The following MBTPS1 variants were observed in gnomAD, a reference collection of about 807,000 sequenced individuals.
MBTPS1 encodes the protein membrane bound transcription factor peptidase, site 1.
Under a neutral mutation model 127.8 loss-of-function variants are expected in MBTPS1, and 94 were observed. That is an observed-to-expected ratio of 0.74 (90% CI 0.62 to 0.87). MBTPS1 has a LOEUF of 0.87. Ranked by LOEUF, MBTPS1 falls within the 40% of genes least tolerant of loss-of-function variation. MBTPS1 has a pLI of 0.00. For synonymous variants in MBTPS1, 632 were observed against 509.4 expected (o/e 1.24, Z -3.24); for missense variants, 1,636 against 1,353.2 (o/e 1.21, Z -3.28).
At chr16:84,094,913 C>T (rs958534376) in intron 4 of MBTPS1, among the ~76,000 whole-genome samples, 3 of 152,162 alleles carry the variant, frequency 2.0e-5, no homozygotes, top group African/African-American at 7.2e-5. Flanking sequence ...ATACGAAAGA[C>T]ACCGAGGCAA....
At chr16:84,065,121 G>GTT (rs35734457) in intron 18 of MBTPS1, among the ~76,000 whole-genome samples, 4,897 of 139,994 alleles carry the variant, frequency 0.035, 134 homozygotes, top group Non-Finnish European at 0.052. Context: ...CTTGAAGGTA[G>GTT]TTTTTTTTTT....
intron 2 of MBTPS1, among the ~76,000 whole-genome samples, chr16:84,100,263 G>A (rs2086234998): frequency 6.6e-6 from 1 of 152,114 alleles, no homozygotes; most frequent in Non-Finnish European, 1.5e-5. Context: ...TAGCTGGGCA[G>A]GCCGGGCACA....
Position 84,074,725 on chromosome 16 carries a change from T to G in MBTPS1, c.1465A>C (p.Ile489Leu). 6.2e-7 allele frequency: 1 copy of G among 1,613,636 alleles called. No individual in the cohort carries two copies. Among genetic ancestry groups the G allele is most frequent in the South Asian group, 1.1e-5 (1 of 91,006 alleles). Residue 489 changes from isoleucine to leucine, a missense_variant, in exon 12 of 23, where the codon ATA (isoleucine) becomes CTA (leucine). Transcript: ENST00000343411. Reference sequence around the variant, plus strand: ...ATGTAGGGACACTCAGTCAGATCTATGTAGCTGGGGCTCAAACTGAAATAA... The same window carrying G: ...ATGTAGGGACACTCAGTCAGATCTAGGTAGCTGGGGCTCAAACTGAAATAA... Reference protein sequence around the residue: ...KPQASLSPSYIDLTECPYMWP... With the variant: ...KPQASLSPSYLDLTECPYMWP...
intron 1 of MBTPS1, among the ~76,000 whole-genome samples, chr16:84,116,455 A>C (rs1233013475): frequency 2.6e-5 from 4 of 152,244 alleles, no homozygotes; most frequent in Non-Finnish European, 5.9e-5. Flanking sequence ...GCTCCGGGCC[A>C]GAGCAGGGCG....
intron 1 of MBTPS1, among the ~76,000 whole-genome samples, chr16:84,107,238 A>C (rs1035427042): frequency 1.3e-5 from 2 of 152,244 alleles, no homozygotes; most frequent in Non-Finnish European, 2.9e-5. Context: ...GGCCCCTTCC[A>C]GAAAAGGGCC....
intron 3 of MBTPS1, among the ~76,000 whole-genome samples, chr16:84,096,761 C>T (rs144368417): frequency 6.6e-6 from 1 of 152,200 alleles, no homozygotes; most frequent in Non-Finnish European, 1.5e-5. Flanking sequence ...CACAGTCCAA[C>T]TGAAACGGTT....
chr16:84,093,508 C>T (rs915990007), intron 5 of MBTPS1, among the ~76,000 whole-genome samples: 1 of 152,150 alleles, frequency 6.6e-6, no homozygotes, highest in Non-Finnish European at 1.5e-5. Flanking sequence ...CAGGGAGCTG[C>T]CCCCACACCA....
intron 19 of MBTPS1, 30 bp from the exon 20 acceptor site, chr16:84,060,843 T>TC (rs1473224558): frequency 6.6e-6 from 10 of 1,524,294 alleles, no homozygotes; most frequent in Non-Finnish European, 7.0e-6. Context: ...GTTTAGGAAT[T>TC]CCTTTTTTTT....
At chr16:84,057,493 A>G (rs149285536) in intron 21 of MBTPS1, 1 of 152,352 alleles carries the variant, frequency 6.6e-6, no homozygotes, top group East Asian at 1.9e-4. Flanking sequence ...GAGCCACCGG[A>G]GCAGGAGTTC....
At chr16:84,109,568 G>A (rs1024636664) in intron 1 of MBTPS1, 1 of 152,214 alleles carries the variant, frequency 6.6e-6, no homozygotes, top group Non-Finnish European at 1.5e-5. Context: ...GGAGGTTCCT[G>A]ACAAAGATGC....
chr16:84,069,428 T>TAAC (rs36039811), intron 14 of MBTPS1, among the ~76,000 whole-genome samples: 36,574 of 151,872 alleles, frequency 0.24, 4,890 homozygotes, highest in East Asian at 0.4. Context: ...GAATTTGTTT[T>TAAC]AAGATTACCA....
Position 84,085,186 on chromosome 16 carries a change from G to A in MBTPS1, c.1135-52C>T, listed in dbSNP as rs759181402. The A allele has an allele frequency of 8.9e-6, 14 of 1,565,562 alleles. 1 individual carries two copies. Among genetic ancestry groups the A allele is most frequent in the South Asian group, 7.9e-5 (7 of 88,670 alleles). On this transcript the variant is annotated intron_variant, in intron 9 of 22. Transcript: ENST00000343411. ...ACATCTCGCACATTGGCATACAGCC[G>A]CATGCAATCATGAGTGAATCAAATC...
At position 84,054,328 on chromosome 16, in the gene MBTPS1, C is replaced by A; in HGVS notation, c.*121G>T. ...AGGGCAGGCCCATGTAGAACAGACTCTAACAAACCTGCAGCTGGAAACTGG... is the reference window on the plus strand; with the variant it reads ...AGGGCAGGCCCATGTAGAACAGACTATAACAAACCTGCAGCTGGAAACTGG... On this transcript the variant is annotated 3_prime_UTR_variant, in exon 23 of 23. Transcript: ENST00000343411. The A allele has an allele frequency of 1.1e-6, 1 of 889,106 alleles. No individual in the cohort carries two copies. The highest frequency in any genetic ancestry group is 1.6e-6 in the Non-Finnish European group (1 of 606,650). The allele number at this position is 889,106 out of a possible 1,614,324, so 55.1% of individuals were successfully genotyped here.
At chr16:84,060,502 G>C (rs1244111206) in intron 20 of MBTPS1, 180 bp downstream of exon 20, 2 of 623,712 alleles carry the variant, frequency 3.2e-6, no homozygotes, top group Non-Finnish European at 5.4e-6. Context: ...TGGGGACTAA[G>C]GATGGCCTCT....
At chr16:84,077,934 T>TA (rs36017253) in intron 11 of MBTPS1, among the ~76,000 whole-genome samples, 21 of 146,896 alleles carry the variant, frequency 1.4e-4, no homozygotes, top group African/African-American at 3.3e-4. Context: ...CAAGAAAGCT[T>TA]AAAAAAAAAA....
At chr16:84,065,363 T>C (rs1305470612) in intron 18 of MBTPS1, among the ~76,000 whole-genome samples, 2 of 152,304 alleles carry the variant, frequency 1.3e-5, no homozygotes, top group Non-Finnish European at 2.9e-5. Flanking sequence ...ATGATCTGCC[T>C]GCCTCAGCCT....
intron 22 of MBTPS1, 146 bp downstream of exon 22, chr16:84,055,859 C>T (rs1229079758): frequency 3.6e-6 from 3 of 828,206 alleles, no homozygotes; most frequent in African/African-American, 3.4e-5. Context: ...GTTTGTGCCA[C>T]AAAAGAAGCC....
At chr16:84,078,282 C>T (rs981250296) in intron 11 of MBTPS1, among the ~76,000 whole-genome samples, 4 of 148,964 alleles carry the variant, frequency 2.7e-5, no homozygotes, top group Admixed American at 6.7e-5. Flanking sequence ...GCTCTCAACC[C>T]GGACCAGCAG....
Position 84,093,169 on chromosome 16 carries a change from G to A in MBTPS1, c.846+19C>T, listed in dbSNP as rs774296581. ...TCAGTATGAATTCCTCAAGTTTCAG[G>A]AGTCCTCAAAACACCTACCTGATTA... On this transcript the variant is annotated intron_variant, in intron 6 of 22. Coordinates refer to ENST00000343411, the MANE Select transcript of MBTPS1 (RefSeq NM_003791.4). 4 of 1,477,330 alleles carry A rather than the reference G, an allele frequency of 2.7e-6. No homozygotes were observed. Among genetic ancestry groups the A allele is most frequent in the East Asian group, 2.3e-5 (1 of 44,216 alleles). 91.5% of individuals were successfully genotyped at this position (1,477,330 alleles called of 1,614,324 possible). A position where few individuals can be genotyped will look rare whatever the true frequency, so the allele number is the denominator to read the frequency against.
Sources: allele counts gnomAD v4.1 joint callset (sites outside exome capture counted in the v4.1 genomes callset), GRCh38; gene constraint gnomAD v4.1.1; transcripts MANE v1.5; gene names NCBI Gene and HGNC (gene_info 2026-07-23, HGNC 2026-07-21).